DOK6: variants seen among roughly 807,000 people sequenced by gnomAD.
DOK6 encodes the protein downstream of tyrosine kinase 6.
Under a neutral mutation model 44.0 loss-of-function variants are expected in DOK6, and 22 were observed. That is an observed-to-expected ratio of 0.50 (90% CI 0.36 to 0.71). The LOEUF (loss-of-function observed/expected upper bound fraction) is 0.71, where lower values mean the gene tolerates loss of function less well. Among genes scored for constraint, DOK6 ranks in the 30% least tolerant of loss-of-function variants. The pLI is 0.00. For missense variants in DOK6, 340 were observed against 416.4 expected (o/e 0.82, Z 1.60); for synonymous variants, 166 against 145.5 (o/e 1.14, Z -1.01).
rs568974941 is a variant in DOK6, at chr18:69,442,688, T to G, written c.66+41378T>G. ...CAATAGACGTGGAATTTCTGTTTGCTACTTTACACATGTTGCTTATTGTCT... is the reference window on the plus strand; with the variant it reads ...CAATAGACGTGGAATTTCTGTTTGCGACTTTACACATGTTGCTTATTGTCT... On this transcript the variant is annotated intron_variant, in intron 1 of 7. Coordinates refer to ENST00000382713, the MANE Select transcript of DOK6 (RefSeq NM_152721.6). 2.0e-5 allele frequency among the ~76,000 whole-genome samples: 3 copies of G among 152,356 alleles called. 1 individual carries two copies. The South Asian group carries it at 6.2e-4, about 32-fold the overall frequency.
At chr18:69,819,288 G>GA (rs1256985891) in intron 7 of DOK6, among the ~76,000 whole-genome samples, 4 of 151,620 alleles carry the variant, frequency 2.6e-5, no homozygotes, top group Non-Finnish European at 5.9e-5. Context: ...ATACAATCAA[G>GA]AAAAAAAATC....
At chr18:69,540,404 T>C (rs1337360154) in intron 1 of DOK6, among the ~76,000 whole-genome samples, 1 of 152,218 alleles carries the variant, frequency 6.6e-6, no homozygotes, top group Non-Finnish European at 1.5e-5. Context: ...TTACTGGCTA[T>C]TTCTTATTTT....
chr18:69,775,872 G>C (rs1041306339), intron 7 of DOK6, among the ~76,000 whole-genome samples: 1 of 151,762 alleles, frequency 6.6e-6, no homozygotes, highest in Admixed American at 6.6e-5. Context: ...TGGGAAAAGA[G>C]GGTCATTACA....
chr18:69,475,402 A>T lies in DOK6; in HGVS notation c.66+74092A>T, dbSNP rs7236601. On this transcript the variant is annotated intron_variant, in intron 1 of 7. Coordinates refer to ENST00000382713, the MANE Select transcript of DOK6 (RefSeq NM_152721.6). ...CTTAGAATTTAGAAATGTTCCCCTA[A>T]TGAGACTGAAAAAATCAAGAAATTT... Among the ~76,000 whole-genome samples the T allele has an allele frequency of 1.1e-3, 164 of 152,326 alleles. 1 individual carries two copies. The highest frequency in any genetic ancestry group is 3.8e-3 in the African/African-American group (156 of 41,572).
At chr18:69,732,415 T>C (rs1316978455) in intron 5 of DOK6, among the ~76,000 whole-genome samples, 1 of 152,178 alleles carries the variant, frequency 6.6e-6, no homozygotes, top group African/African-American at 2.4e-5. Flanking sequence ...GTAATGCAAG[T>C]CTTATGACTT....
chr18:69,467,122 A>G (rs1198898405), intron 1 of DOK6, among the ~76,000 whole-genome samples: 3 of 152,200 alleles, frequency 2.0e-5, no homozygotes, highest in Non-Finnish European at 4.4e-5. Flanking sequence ...CAGGCAAACT[A>G]TTAGCCACTG....
At position 69,441,693 on chromosome 18, in the gene DOK6, C is replaced by CT. The variant is rs533532870; in HGVS notation, c.66+40389dup. Among the ~76,000 whole-genome samples, 18 of 152,250 alleles carry CT rather than the reference C, an allele frequency of 1.2e-4. No homozygotes were observed. In the East Asian group the frequency reaches 3.3e-3, roughly 28 times the overall value. Reference sequence around the variant, plus strand: ...TAAACGTAGCTGAAAATGTATTCTTCTTTTTTATAATATAAATATCAATAG... The same window carrying CT: ...TAAACGTAGCTGAAAATGTATTCTTCTTTTTTTATAATATAAATATCAATAG... On this transcript the variant is annotated intron_variant, in intron 1 of 7. Transcript: ENST00000382713.
At chr18:69,728,078 C>G (rs1599290152) in intron 5 of DOK6, among the ~76,000 whole-genome samples, 1 of 152,214 alleles carries the variant, frequency 6.6e-6, no homozygotes, top group Non-Finnish European at 1.5e-5. Context: ...TGTCACGCTC[C>G]ACTGAAACCC....
At chr18:69,605,770 T>C (rs1668347090) in intron 3 of DOK6, among the ~76,000 whole-genome samples, 1 of 152,064 alleles carries the variant, frequency 6.6e-6, no homozygotes, top group Non-Finnish European at 1.5e-5. Context: ...TGCAGAAACC[T>C]ACCGCTACAT....
At chr18:69,537,395 C>G (rs1327373795) in intron 1 of DOK6, among the ~76,000 whole-genome samples, 2 of 152,148 alleles carry the variant, frequency 1.3e-5, no homozygotes, top group Non-Finnish European at 2.9e-5. Flanking sequence ...ACGGCCCTTT[C>G]TTCAGTGAGT....
intron 1 of DOK6, among the ~76,000 whole-genome samples, chr18:69,440,865 A>T (rs182385855): frequency 1.4e-3 from 218 of 152,214 alleles, no homozygotes; most frequent in Non-Finnish European, 1.4e-3. Context: ...GAGAAAAACA[A>T]CTTGACATTG....
chr18:69,514,570 A>T (rs1030085088), intron 1 of DOK6, among the ~76,000 whole-genome samples: 1 of 152,178 alleles, frequency 6.6e-6, no homozygotes, highest in Non-Finnish European at 1.5e-5. Context: ...TATAATTCAT[A>T]TAGACAGTTC....
chr18:69,804,011 A>T (rs1246510122), intron 7 of DOK6, among the ~76,000 whole-genome samples: 2 of 152,214 alleles, frequency 1.3e-5, no homozygotes, highest in Non-Finnish European at 2.9e-5. Context: ...ATAAACCAAA[A>T]ACAATTCAGC....
At chr18:69,797,961 T>G (rs1980797045) in intron 7 of DOK6, among the ~76,000 whole-genome samples, 1 of 152,124 alleles carries the variant, frequency 6.6e-6, no homozygotes, top group Non-Finnish European at 1.5e-5. Context: ...ACCAATAGCC[T>G]TGACAAAGAT....
intron 3 of DOK6, among the ~76,000 whole-genome samples, chr18:69,633,578 A>G (rs1168845530): frequency 3.3e-5 from 5 of 152,176 alleles, no homozygotes; most frequent in African/African-American, 1.2e-4. Flanking sequence ...GGGGATTTCA[A>G]ATTTAGTAAA....
intron 7 of DOK6, among the ~76,000 whole-genome samples, chr18:69,779,454 A>G (rs2145087743): frequency 9.4e-5 from 1 of 10,624 alleles, no homozygotes; most frequent in East Asian, 0.01. Context: ...CACACAGTCT[A>G]CACACACACA....
chr18:69,768,954 C>CGTGCGTGTGTGTGTGT lies in DOK6; in HGVS notation c.856+11084_856+11085insCGTGTGTGTGTGTGTG, dbSNP rs74175387. 5.8e-4 allele frequency among the ~76,000 whole-genome samples: 83 copies of CGTGCGTGTGTGTGTGT among 142,694 alleles called. No homozygotes were observed. The Middle Eastern group carries it at 0.032, about 56-fold the overall frequency. The allele number at this position is 142,694 out of a possible 152,430, so 93.6% of individuals were successfully genotyped here. Reference sequence around the variant, plus strand: ...TTTATGCTAAGATTTGAAGGGTGTGCGTGTGTGTGTGTGTGTGTGTGTGTG... The same window carrying CGTGCGTGTGTGTGTGT: ...TTTATGCTAAGATTTGAAGGGTGTGCGTGCGTGTGTGTGTGTGTGTGTGTGTGTGTGTGTGTGTGTG... On this transcript the variant is annotated intron_variant, in intron 7 of 7. Transcript: ENST00000382713.
At chr18:69,583,672 T>C (rs543195041) in intron 2 of DOK6, among the ~76,000 whole-genome samples, 1 of 150,472 alleles carries the variant, frequency 6.6e-6, no homozygotes, top group Admixed American at 6.6e-5. Context: ...ATCCCAGCCC[T>C]GTAAGAGGCT....
At chr18:69,606,383 C>A (rs11151513) in intron 3 of DOK6, among the ~76,000 whole-genome samples, 67,880 of 151,466 alleles carry the variant, frequency 0.45, 15,983 homozygotes, top group Non-Finnish European at 0.53. Flanking sequence ...CAATAAAATA[C>A]GTATAAAAGG....
Sources: allele counts gnomAD v4.1 joint callset (sites outside exome capture counted in the v4.1 genomes callset), GRCh38; gene constraint gnomAD v4.1.1; transcripts MANE v1.5; gene names NCBI Gene and HGNC (gene_info 2026-07-23, HGNC 2026-07-21).